PTPRD: variants seen among roughly 807,000 people sequenced by gnomAD.
PTPRD encodes protein tyrosine phosphatase receptor type D, also known as receptor-type tyrosine-protein phosphatase delta.
In PTPRD, 34 loss-of-function variants were observed where a neutral mutation model predicts 214.5. The ratio of observed to expected loss-of-function variants is 0.16; its 90% CI spans 0.12 to 0.21. The LOEUF is 0.21. PTPRD is among the 10% of genes least tolerant of loss of function. The pLI is 1.00. For synonymous variants in PTPRD, 1,128 were observed against 845.7 expected, an observed-to-expected ratio of 1.33 and a Z score of -5.79; for missense variants, 2,545 against 2,398.7, an observed-to-expected ratio of 1.06 and a Z score of -1.27.
At chr9:8,834,235 A>T (rs10759000) in intron 11 of PTPRD, among the ~76,000 whole-genome samples, 18,671 of 152,088 alleles carry the variant, frequency 0.12, 1,386 homozygotes, top group East Asian at 0.27. Context: ...ATAACAGACA[A>T]GGAAGCTTTC....
rs534819132 is a variant in PTPRD at position 8,600,275 on chromosome 9, C to G, written c.352+33042G>C. 5.9e-5 allele frequency among the ~76,000 whole-genome samples: 9 copies of G among 152,300 alleles called. No individual in the cohort carries two copies. In the East Asian group the frequency reaches 1.4e-3, roughly 23 times the overall value. Reference sequence around the variant, plus strand: ...AGTCAGAGCTTGAGTTCCCACAAGCCTCACCATCACAGGCTGAAGCACTCT... The same window carrying G: ...AGTCAGAGCTTGAGTTCCCACAAGCGTCACCATCACAGGCTGAAGCACTCT... On this transcript the variant is annotated intron_variant, in intron 14 of 45. Transcript: ENST00000381196.
Position 9,728,397 on chromosome 9 carries a change from T to C in PTPRD, c.-287+6136A>G, listed in dbSNP as rs72708472. On this transcript the variant is annotated intron_variant, in intron 7 of 45. Coordinates refer to ENST00000381196, the MANE Select transcript of PTPRD (RefSeq NM_002839.4). ...TTTAATTCCAGGTAATTGTATACAA[T>C]TATTTTTGATCTCTAGTCCTATGTG... Among the ~76,000 whole-genome samples the C allele has an allele frequency of 7.0e-3, 1,062 of 152,338 alleles. 11 individuals carry two copies. Among genetic ancestry groups the C allele is most frequent in the Middle Eastern group, 0.024 (7 of 294 alleles).
At chr9:8,557,675 G>A (rs576950069) in intron 14 of PTPRD, among the ~76,000 whole-genome samples, 237 of 147,156 alleles carry the variant, frequency 1.6e-3, no homozygotes, top group African/African-American at 5.8e-3. Context: ...CATGGGAAGC[G>A]GAGGTTGCAG....
At chr9:9,188,740 G>A (rs975114279) in intron 9 of PTPRD, among the ~76,000 whole-genome samples, 1 of 151,992 alleles carries the variant, frequency 6.6e-6, no homozygotes, top group African/African-American at 2.4e-5. Context: ...TCTAATGAGA[G>A]ACATGGTATT....
intron 13 of PTPRD, among the ~76,000 whole-genome samples, chr9:8,636,179 G>C (rs2096426682): frequency 6.6e-6 from 1 of 152,084 alleles, no homozygotes; most frequent in South Asian, 2.1e-4. Context: ...TGATAACGAG[G>C]ATTTAAATTT....
chr9:9,026,461 T>C (rs1457588340), intron 10 of PTPRD, among the ~76,000 whole-genome samples: 1 of 151,986 alleles, frequency 6.6e-6, no homozygotes, highest in Non-Finnish European at 1.5e-5. Flanking sequence ...AAGCCTATTA[T>C]CTGTTAGACA....
chr9:8,696,610 C>T (rs546258563), intron 12 of PTPRD, among the ~76,000 whole-genome samples: 3 of 152,010 alleles, frequency 2.0e-5, no homozygotes, highest in South Asian at 4.2e-4. Flanking sequence ...TTAGGTTAGA[C>T]GGAGAAAGAA....
At chr9:8,454,624 A>T (rs2096107312) in intron 33 of PTPRD, 1 of 1,610,670 alleles carries the variant, frequency 6.2e-7, no homozygotes, top group African/African-American at 1.3e-5. Flanking sequence ...AAAAAGGAAA[A>T]AGAAAGGCTA....
At chr9:9,762,672 G>A (rs952835226) in intron 6 of PTPRD, among the ~76,000 whole-genome samples, 3 of 152,188 alleles carry the variant, frequency 2.0e-5, no homozygotes, top group African/African-American at 7.2e-5. Flanking sequence ...ACACTGACAT[G>A]ATCCTCATTT....
chr9:9,354,939 A>C (rs1450812166), intron 9 of PTPRD, among the ~76,000 whole-genome samples: 1 of 151,788 alleles, frequency 6.6e-6, no homozygotes, highest in Non-Finnish European at 1.5e-5. Context: ...GCAAAGGAGG[A>C]AAATGTGACA....
intron 3 of PTPRD, among the ~76,000 whole-genome samples, chr9:10,148,869 A>AT (rs1259630906): frequency 6.6e-6 from 1 of 152,108 alleles, no homozygotes; most frequent in Non-Finnish European, 1.5e-5. Flanking sequence ...TTAAATAAGC[A>AT]TTTTTTATTG....
chr9:8,350,749 T>G (rs2075219895), intron 39 of PTPRD, among the ~76,000 whole-genome samples: 1 of 150,912 alleles, frequency 6.6e-6, no homozygotes, highest in African/African-American at 2.4e-5. Context: ...TGACAAAATA[T>G]TCAGCTGTCT....
intron 25 of PTPRD, among the ~76,000 whole-genome samples, chr9:8,499,197 T>C (rs1035057998): frequency 2.6e-5 from 4 of 152,154 alleles, no homozygotes; most frequent in African/African-American, 7.2e-5. Flanking sequence ...TGAGTACCTG[T>C]CCCTGAATAA....
At chr9:9,703,582 T>C (rs959347774) in intron 7 of PTPRD, among the ~76,000 whole-genome samples, 3 of 152,130 alleles carry the variant, frequency 2.0e-5, no homozygotes, top group South Asian at 2.1e-4. Flanking sequence ...TTGAGAAACA[T>C]TGATGCATAG....
chr9:9,930,943 C>G (rs954477701), intron 5 of PTPRD, among the ~76,000 whole-genome samples: 43 of 151,740 alleles, frequency 2.8e-4, no homozygotes, highest in Non-Finnish European at 5.9e-5. Context: ...ATGACTCTCC[C>G]GAATTCATAA....
intron 14 of PTPRD, among the ~76,000 whole-genome samples, chr9:8,623,724 G>C (rs538554557): frequency 3.3e-5 from 5 of 151,798 alleles, no homozygotes; most frequent in African/African-American, 1.2e-4. Flanking sequence ...ATCTCGACTT[G>C]ATAGACAGAT....
chr9:10,544,990 C>T (rs983688341), intron 2 of PTPRD, among the ~76,000 whole-genome samples: 7 of 152,142 alleles, frequency 4.6e-5, no homozygotes, highest in African/African-American at 1.7e-4. Context: ...TCGCATCTCT[C>T]TTTTCTTTAA....
At chr9:9,026,371 G>T (rs1162468648) in intron 10 of PTPRD, among the ~76,000 whole-genome samples, 1 of 151,892 alleles carries the variant, frequency 6.6e-6, no homozygotes, top group Non-Finnish European at 1.5e-5. Flanking sequence ...ATTATGTAAG[G>T]CTTTGTAAGT....
At chr9:9,295,046 A>T (rs1206206733) in intron 9 of PTPRD, among the ~76,000 whole-genome samples, 1 of 151,752 alleles carries the variant, frequency 6.6e-6, no homozygotes, top group South Asian at 2.1e-4. Flanking sequence ...TTTGATTTTT[A>T]AAATTATCTT....
Sources: allele counts gnomAD v4.1 joint callset (sites outside exome capture counted in the v4.1 genomes callset), GRCh38; gene constraint gnomAD v4.1.1; transcripts MANE v1.5; gene names NCBI Gene and HGNC (gene_info 2026-07-23, HGNC 2026-07-21).